STK3: variants seen among roughly 807,000 people sequenced by gnomAD.
STK3 encodes serine/threonine kinase 3, also known as serine/threonine-protein kinase 3.
Under a neutral mutation model 58.0 loss-of-function variants are expected in STK3, and 41 were observed. The ratio of observed to expected loss-of-function variants is 0.71; its 90% CI spans 0.55 to 0.92. STK3 has a LOEUF of 0.92. Among genes scored for constraint, STK3 ranks in the 40% least tolerant of loss-of-function variants. The pLI, the probability that STK3 is intolerant of heterozygous loss-of-function variation, is 0.00. For synonymous variants in STK3, 170 were observed against 191.0 expected (o/e 0.89, Z 0.91); for missense variants, 479 against 602.7 (o/e 0.79, Z 2.15).
chr8:98,700,619 T>C (rs1023786214), intron 6 of STK3, among the ~76,000 whole-genome samples: 4 of 152,250 alleles, frequency 2.6e-5, no homozygotes, highest in Non-Finnish European at 5.9e-5. Flanking sequence ...ATTATCTCCT[T>C]AAATCACATT....
rs889794586 is a variant in STK3 at position 98,629,100 on chromosome 8, G to C, written c.685-32931C>G. On this transcript the variant is annotated intron_variant, in intron 6 of 10. Transcript: ENST00000419617. ...TACCAATTCTCTTTTCCCCCAATAA[G>C]AGATTTGTGACTTTGGCTAAATTAT... Among the ~76,000 whole-genome samples the C allele has an allele frequency of 3.3e-5, 5 of 152,250 alleles. No homozygotes were observed. The South Asian group carries it at 1.0e-3, about 32-fold the overall frequency.
At chr8:98,933,163 A>G (rs1274733975) in intron 1 of STK3, among the ~76,000 whole-genome samples, 2 of 152,230 alleles carry the variant, frequency 1.3e-5, no homozygotes, top group Non-Finnish European at 2.9e-5. Flanking sequence ...AAGAGTCAGC[A>G]TGAGTATTTT....
chr8:98,669,842 C>T (rs1330902348), intron 6 of STK3, among the ~76,000 whole-genome samples: 1 of 152,122 alleles, frequency 6.6e-6, no homozygotes, highest in East Asian at 1.9e-4. Context: ...CGAAGATACC[C>T]AAACACAGGA....
At chr8:98,547,890 AAC>A in intron 9 of STK3, 77 bp downstream of exon 9, 13 of 1,270,352 alleles carry the variant, frequency 1.0e-5, no homozygotes, top group Non-Finnish European at 1.2e-5. Flanking sequence ...TATAAAAAGT[AAC>A]ACAGAACTAG....
chr8:98,377,622 A>G (rs1249141380), intron 2 of STK3, among the ~76,000 whole-genome samples: 1 of 152,208 alleles, frequency 6.6e-6, no homozygotes, highest in African/African-American at 2.4e-5. Flanking sequence ...CTGTTAAACC[A>G]TCCAGCACTG....
intron 1 of STK3, chr8:98,782,320 A>T (rs1832145197): frequency 5.6e-6 from 1 of 179,968 alleles, no homozygotes; most frequent in Non-Finnish European, 1.2e-5. Flanking sequence ...AGAGAAGGTA[A>T]CCTGGGTGAG....
chr8:98,756,654 GC>G lies in STK3; in HGVS notation c.237-7265del, dbSNP rs1307602893. Among the ~76,000 whole-genome samples the G allele has an allele frequency of 2.0e-5, 3 of 152,306 alleles. No homozygotes were observed. In the East Asian group the frequency reaches 5.8e-4, roughly 29 times the overall value. On this transcript the variant is annotated intron_variant, in intron 3 of 10. Transcript: ENST00000419617. ...TTAGTCCATGCAGAGATTATAGTAAGCATATCTTTTTATTTTCTGTATTCTT... is the reference window on the plus strand; with the variant it reads ...TTAGTCCATGCAGAGATTATAGTAAGATATCTTTTTATTTTCTGTATTCTT...
intron 1 of STK3, among the ~76,000 whole-genome samples, chr8:98,380,462 C>T (rs1386945631): frequency 1.3e-5 from 2 of 152,164 alleles, no homozygotes; most frequent in Non-Finnish European, 2.9e-5. Flanking sequence ...TGTTCAGCGT[C>T]CTGTTAAGCA....
intron 4 of STK3, among the ~76,000 whole-genome samples, chr8:98,721,980 A>G (rs1427309541): frequency 6.6e-6 from 1 of 152,164 alleles, no homozygotes; most frequent in Non-Finnish European, 1.5e-5. Context: ...AGCAGGAAAT[A>G]CAGACTTAGA....
intron 1 of STK3, among the ~76,000 whole-genome samples, chr8:98,937,492 A>G (rs534063382): frequency 6.6e-6 from 1 of 152,368 alleles, no homozygotes; most frequent in East Asian, 1.9e-4. Flanking sequence ...TGTTTTAAAG[A>G]TTGCCATTAA....
chr8:98,726,057 G>C (rs1827773194), intron 4 of STK3, among the ~76,000 whole-genome samples: 1 of 152,142 alleles, frequency 6.6e-6, no homozygotes, highest in Admixed American at 6.5e-5. Flanking sequence ...CGTGCTATGG[G>C]GTCAGGCTTC....
chr8:98,453,552 C>T (rs965507587), downstream of STK3, among the ~76,000 whole-genome samples: 8 of 152,146 alleles, frequency 5.3e-5, no homozygotes, highest in African/African-American at 1.9e-4. Flanking sequence ...TCTTAATTCT[C>T]TTAAATATAT....
At chr8:98,521,827 A>T (rs923428697) in intron 10 of STK3, among the ~76,000 whole-genome samples, 2 of 152,090 alleles carry the variant, frequency 1.3e-5, no homozygotes, top group Admixed American at 1.3e-4. Flanking sequence ...TCCATTTATC[A>T]ATGCTTAGAC....
At chr8:98,770,808 G>A (rs1831273564) in intron 2 of STK3, among the ~76,000 whole-genome samples, 1 of 152,124 alleles carries the variant, frequency 6.6e-6, no homozygotes, top group African/African-American at 2.4e-5. Flanking sequence ...AAGAGAAGTG[G>A]CAACAGCTAT....
intron 6 of STK3, among the ~76,000 whole-genome samples, chr8:98,688,427 T>TA (rs1264208862): frequency 6.6e-6 from 1 of 152,178 alleles, no homozygotes; most frequent in Non-Finnish European, 1.5e-5. Flanking sequence ...CTGAACCTGA[T>TA]AGACATCTAC....
At chr8:98,686,236 G>A (rs1823989754) in intron 6 of STK3, among the ~76,000 whole-genome samples, 1 of 151,944 alleles carries the variant, frequency 6.6e-6, no homozygotes, top group Non-Finnish European at 1.5e-5. Context: ...TAAAGGAAAG[G>A]GAAAGGGAGT....
At chr8:98,351,019 T>C in the STK3 span, among the ~76,000 whole-genome samples, 1 of 152,206 alleles carries the variant, frequency 6.6e-6, no homozygotes, top group Non-Finnish European at 1.5e-5. Context: ...ATTATCACAC[T>C]TTTTGCCAGA....
downstream of STK3, chr8:98,371,269 G>C (rs189785019): frequency 6.6e-6 from 1 of 152,286 alleles, no homozygotes; most frequent in African/African-American, 2.4e-5. Context: ...ATCCCATCCA[G>C]TAAGGACGAG....
intron 10 of STK3, among the ~76,000 whole-genome samples, chr8:98,498,623 C>G (rs1170905616): frequency 6.6e-6 from 1 of 152,172 alleles, no homozygotes; most frequent in Non-Finnish European, 1.5e-5. Flanking sequence ...TCACCAATGA[C>G]CTCCTTGTTG....
Sources: gnomAD v4.1 joint callset for allele counts (sites outside exome capture counted in the v4.1 genomes callset) on GRCh38, gnomAD v4.1.1 for gene constraint, MANE v1.5 for transcripts, NCBI Gene and HGNC (gene_info 2026-07-23, HGNC 2026-07-21) for gene names.